USP33: variants seen among roughly 807,000 people sequenced by gnomAD.
USP33 encodes the protein ubiquitin carboxyl-terminal hydrolase 33.
A neutral mutation model predicts 124.2 loss-of-function variants in USP33; 46 were observed. The observed-to-expected ratio is 0.37, with a 90% CI of 0.29 to 0.47. The LOEUF (loss-of-function observed/expected upper bound fraction) is 0.47, where lower values mean the gene tolerates loss of function less well. USP33 is among the 20% of genes least tolerant of loss of function. The pLI is 0.99. For missense variants in USP33, 851 were observed against 1,070.6 expected, an observed-to-expected ratio of 0.79 and a Z score of 2.86; for synonymous variants, 350 against 352.3, an observed-to-expected ratio of 0.99 and a Z score of 0.07.
At chr1:77,735,980 GA>G in intron 6 of USP33, 75 bp downstream of exon 6, 1 of 1,094,600 alleles carries the variant, frequency 9.1e-7, no homozygotes, top group Non-Finnish European at 1.3e-6. Flanking sequence ...TCCACATTTT[GA>G]AACTTTTACA....
chr1:77,728,190 TA>T lies in USP33; in HGVS notation c.1135+104del. The T allele has an allele frequency of 3.1e-6, 4 of 1,284,448 alleles. No individual in the cohort carries two copies. The South Asian group carries it at 6.3e-5, about 20-fold the overall frequency. The allele number at this position is 1,284,448 out of a possible 1,614,324, so 79.6% of individuals were successfully genotyped here. A position where few individuals can be genotyped will look rare whatever the true frequency, so the allele number is the denominator to read the frequency against. On this transcript the variant is annotated intron_variant, in intron 10 of 23. Coordinates refer to ENST00000370794, the MANE Select transcript of USP33 (RefSeq NM_201624.3). ...ACTAATACTCACATGCAAATACTGC[TA>T]AACTATAATTCTAATTAGAAATACC...
At chr1:77,754,612 C>T (rs1680637038) in intron 1 of USP33, among the ~76,000 whole-genome samples, 1 of 152,164 alleles carries the variant, frequency 6.6e-6, no homozygotes, top group Non-Finnish European at 1.5e-5. Context: ...CCACAAAGTC[C>T]TATAATACTT....
intron 13 of USP33, 43 bp downstream of exon 13, chr1:77,721,981 G>T (rs756896153): frequency 6.2e-7 from 1 of 1,603,684 alleles, no homozygotes; most frequent in South Asian, 1.1e-5. Context: ...AGCAGAAACA[G>T]CAGGTTTAAC....
intron 5 of USP33, among the ~76,000 whole-genome samples, chr1:77,737,987 C>T (rs1678675166): frequency 2.6e-5 from 4 of 152,268 alleles, no homozygotes; most frequent in South Asian, 4.1e-4. Context: ...TTCAACGAAA[C>T]GGCCATTTTC....
rs748034062 is a variant in USP33, at chr1:77,736,167, C to CA, written c.352-10dup. 3 of 1,577,078 alleles carry CA rather than the reference C, an allele frequency of 1.9e-6. No homozygotes were observed. In the Admixed American group the frequency reaches 5.2e-5, roughly 28 times the overall value. On this transcript the variant is annotated splice_polypyrimidine_tract_variant and intron_variant, in intron 5 of 23. Transcript: ENST00000370794. ...CTGGGTATTTTAAAATCCTTGATAA[C>CA]AAAAAAAGATAGCACACTTGAACAA...
chr1:77,725,419 A>G (rs1677050171), intron 11 of USP33, among the ~76,000 whole-genome samples: 1 of 152,232 alleles, frequency 6.6e-6, no homozygotes. Flanking sequence ...TATACAAGAA[A>G]AAGTGAATTC....
intron 1 of USP33, among the ~76,000 whole-genome samples, chr1:77,751,601 C>T (rs1680341781): frequency 6.6e-6 from 1 of 152,140 alleles, no homozygotes; most frequent in Non-Finnish European, 1.5e-5. Context: ...AAGTTGCATG[C>T]AGTGAGCTGT....
intron 3 of USP33, among the ~76,000 whole-genome samples, 184 bp from the exon 4 acceptor site, chr1:77,741,123 T>C (rs1367424441): frequency 6.6e-6 from 1 of 152,202 alleles, no homozygotes. Flanking sequence ...CCAGGATATA[T>C]TTCTAAGCTA....
At chr1:77,702,034 G>A (rs1177329148) in intron 21 of USP33, among the ~76,000 whole-genome samples, 4 of 150,594 alleles carry the variant, frequency 2.7e-5, no homozygotes, top group Non-Finnish European at 4.4e-5. Flanking sequence ...CCAGCTATTC[G>A]GGGAAGCTGA....
At chr1:77,758,794 CAT>C (rs1275866671) in intron 1 of USP33, among the ~76,000 whole-genome samples, 4 of 152,278 alleles carry the variant, frequency 2.6e-5, no homozygotes, top group East Asian at 3.9e-4. Context: ...TCTACATCCA[CAT>C]AGTTATTAAG....
intron 1 of USP33, among the ~76,000 whole-genome samples, chr1:77,748,880 T>C (rs762558035): frequency 6.0e-5 from 9 of 149,040 alleles, no homozygotes; most frequent in Non-Finnish European, 1.2e-4. Context: ...TTCTTCATCA[T>C]GGAAAAGAGA....
chr1:77,721,299 C>G (rs1395876055), intron 14 of USP33, 94 bp from the exon 15 acceptor site: 3 of 1,343,494 alleles, frequency 2.2e-6, no homozygotes, highest in Non-Finnish European at 3.1e-6. Flanking sequence ...ATGCTGACCT[C>G]CCAGCACAGA....
At chr1:77,747,755 A>C (rs1679887989) in intron 1 of USP33, among the ~76,000 whole-genome samples, 1 of 152,198 alleles carries the variant, frequency 6.6e-6, no homozygotes, top group African/African-American at 2.4e-5. Flanking sequence ...AATAACCTTA[A>C]GTATTTCTAT....
intron 16 of USP33, 31 bp downstream of exon 16, chr1:77,718,565 A>G (rs1676180795): frequency 2.0e-6 from 3 of 1,521,506 alleles, no homozygotes; most frequent in Non-Finnish European, 2.7e-6. Context: ...CCTACCACAC[A>G]ATATAAGTTG....
chr1:77,741,253 CT>C lies in USP33; in HGVS notation c.135+122del, dbSNP rs1679085912. 8.4e-6 allele frequency: 8 copies of C among 950,434 alleles called. No homozygotes were observed. The East Asian group carries it at 2.1e-4, about 24-fold the overall frequency. 58.9% of individuals were successfully genotyped at this position (950,434 alleles called of 1,614,324 possible). A position where few individuals can be genotyped will look rare whatever the true frequency, so the allele number is the denominator to read the frequency against. ...TTTAATTTTTGTTATTAATAATGACCTTTTAAAAGCAAGTTTAATTTACAAA... is the reference window on the plus strand; with the variant it reads ...TTTAATTTTTGTTATTAATAATGACCTTTAAAAGCAAGTTTAATTTACAAA... On this transcript the variant is annotated intron_variant, in intron 3 of 23. Transcript: ENST00000370794.
intron 11 of USP33, among the ~76,000 whole-genome samples, chr1:77,724,995 T>C (rs1023013598): frequency 3.3e-5 from 5 of 152,040 alleles, no homozygotes; most frequent in African/African-American, 7.3e-5. Flanking sequence ...TGGGCCAAGA[T>C]TGCACCACTG....
rs185829181 is a variant in USP33 at position 77,704,029 on chromosome 1, C to A, written c.2407-2558G>T. ...TCATCAGGAGGCTGATGTGGAGGAT[C>A]TCTTGAGCGTGGGAGATCGAGGCTG... On this transcript the variant is annotated intron_variant, in intron 21 of 23. Coordinates refer to ENST00000370794, the MANE Select transcript of USP33 (RefSeq NM_201624.3). Among the ~76,000 whole-genome samples, 313 of 151,946 alleles carry A rather than the reference C, an allele frequency of 2.1e-3. 3 individuals are homozygous for A. Among genetic ancestry groups the A allele is most frequent in the Non-Finnish European group, 1.7e-3 (115 of 67,976 alleles).
At chr1:77,741,022 A>C in intron 3 of USP33, 83 bp from the exon 4 acceptor site, 1 of 1,003,144 alleles carries the variant, frequency 1.0e-6, no homozygotes, top group Non-Finnish European at 1.4e-6. Context: ...TTACATTTAC[A>C]ATTAAGTTTG....
intron 3 of USP33, among the ~76,000 whole-genome samples, 183 bp from the exon 4 acceptor site, chr1:77,741,122 A>T (rs1679071047): frequency 6.6e-6 from 1 of 152,204 alleles, no homozygotes; most frequent in Admixed American, 6.5e-5. Context: ...ACCAGGATAT[A>T]TTTCTAAGCT....
Sources: gnomAD v4.1 joint callset for allele counts (sites outside exome capture counted in the v4.1 genomes callset) on GRCh38, gnomAD v4.1.1 for gene constraint, MANE v1.5 for transcripts, NCBI Gene and HGNC (gene_info 2026-07-23, HGNC 2026-07-21) for gene names.